The following SPOCK3 variants were observed in gnomAD, a reference collection of about 807,000 sequenced individuals.
SPOCK3 encodes the protein testican-3.
SPOCK3 carries 30 observed loss-of-function variants against 56.6 expected under a neutral mutation model. That is an observed-to-expected ratio of 0.53 (90% CI 0.40 to 0.72). The LOEUF (loss-of-function observed/expected upper bound fraction) is 0.72. SPOCK3 is among the 30% of genes least tolerant of loss of function. The pLI, the probability that SPOCK3 is intolerant of heterozygous loss-of-function variation, is 0.00. For synonymous variants in SPOCK3, 196 were observed against 183.3 expected, an observed-to-expected ratio of 1.07 and a Z score of -0.56; for missense variants, 527 against 530.0, an observed-to-expected ratio of 0.99 and a Z score of 0.06.
At chr4:166,768,994 G>A (rs1451679462) in intron 7 of SPOCK3, among the ~76,000 whole-genome samples, 1 of 152,156 alleles carries the variant, frequency 6.6e-6, no homozygotes, top group African/African-American at 2.4e-5. Context: ...ACTGAAGCTT[G>A]TGCATTCATC....
At chr4:166,839,491 A>T (rs1408522007) in intron 6 of SPOCK3, among the ~76,000 whole-genome samples, 1 of 152,092 alleles carries the variant, frequency 6.6e-6, no homozygotes, top group African/African-American at 2.4e-5. Flanking sequence ...AGAAGAGGGC[A>T]AAAAAGGCTG....
intron 9 of SPOCK3, among the ~76,000 whole-genome samples, chr4:166,741,554 T>TA (rs1268128060): frequency 6.6e-6 from 1 of 152,074 alleles, no homozygotes; most frequent in African/African-American, 2.4e-5. Context: ...AGAAGGGTAG[T>TA]AAAAAACACT....
chr4:166,877,847 GA>G (rs1733256128), intron 6 of SPOCK3, among the ~76,000 whole-genome samples: 1 of 152,096 alleles, frequency 6.6e-6, no homozygotes, highest in South Asian at 2.1e-4. Context: ...CCAATAAGTA[GA>G]AATTTGGTAT....
At chr4:166,929,440 T>C (rs2149993459) in intron 4 of SPOCK3, among the ~76,000 whole-genome samples, 1 of 152,328 alleles carries the variant, frequency 6.6e-6, no homozygotes, top group African/African-American at 2.4e-5. Flanking sequence ...AAATAGATTG[T>C]AGATCAATGT....
At chr4:166,746,793 A>G (rs1250720777) in intron 8 of SPOCK3, among the ~76,000 whole-genome samples, 2 of 152,190 alleles carry the variant, frequency 1.3e-5, no homozygotes, top group East Asian at 3.8e-4. Context: ...AAAAAATGAT[A>G]AAGGAGATAT....
At chr4:166,976,046 A>T (rs924268704) in intron 4 of SPOCK3, among the ~76,000 whole-genome samples, 9 of 151,942 alleles carry the variant, frequency 5.9e-5, no homozygotes, top group Non-Finnish European at 1.2e-4. Flanking sequence ...GATGCATAGA[A>T]ATCTTGATCT....
intron 2 of SPOCK3, among the ~76,000 whole-genome samples, chr4:167,111,804 C>A (rs1760926213): frequency 6.6e-6 from 1 of 151,536 alleles, no homozygotes; most frequent in African/African-American, 2.4e-5. Context: ...GTTGCCCAGG[C>A]TGGAATGCAA....
intron 2 of SPOCK3, among the ~76,000 whole-genome samples, chr4:167,193,679 T>C (rs368669418): frequency 5.5e-5 from 8 of 146,088 alleles, no homozygotes; most frequent in East Asian, 2.1e-4. Context: ...GTTTCAACAC[T>C]TTAAATATAC....
chr4:166,941,983 G>C (rs1336552392), intron 4 of SPOCK3, among the ~76,000 whole-genome samples: 3 of 152,076 alleles, frequency 2.0e-5, no homozygotes, highest in Admixed American at 2.0e-4. Flanking sequence ...ACTGAGATGA[G>C]TATTTGCTGT....
chr4:166,877,337 TCTTG>T (rs965286461), intron 6 of SPOCK3, among the ~76,000 whole-genome samples: 1 of 152,184 alleles, frequency 6.6e-6, no homozygotes, highest in Non-Finnish European at 1.5e-5. Flanking sequence ...CCTTGATTAT[TCTTG>T]CTTTGGGTAA....
rs992119205 is a variant in SPOCK3, at chr4:167,010,606, T to TA, written c.236-10144dup. On this transcript the variant is annotated intron_variant, in intron 3 of 10. Transcript: ENST00000357545. ...AAATATGTTCATAAAGATACATTCA[T>TA]AAAAAATTATTAAATGTATATATAG... is the stretch of plus-strand genomic sequence containing the variant. Among the ~76,000 whole-genome samples, 5 of 151,178 alleles carry TA rather than the reference T, an allele frequency of 3.3e-5. No homozygotes were observed. The South Asian group carries it at 1.0e-3, about 31-fold the overall frequency.
chr4:167,157,189 C>G (rs1044510449), intron 2 of SPOCK3, among the ~76,000 whole-genome samples: 11 of 151,916 alleles, frequency 7.2e-5, no homozygotes, highest in African/African-American at 9.7e-5. Context: ...GGAGAAAATT[C>G]AAAATTATAA....
chr4:166,819,111 G>A (rs1344374125), intron 6 of SPOCK3, among the ~76,000 whole-genome samples: 1 of 151,978 alleles, frequency 6.6e-6, no homozygotes, highest in Non-Finnish European at 1.5e-5. Context: ...AAGGAAAGAA[G>A]ATCACATGAT....
intron 2 of SPOCK3, among the ~76,000 whole-genome samples, chr4:167,153,320 G>A (rs1764562911): frequency 6.6e-6 from 1 of 152,094 alleles, no homozygotes; most frequent in African/African-American, 2.4e-5. Context: ...GGAATAAATG[G>A]GGTGCCCATG....
At chr4:166,922,426 T>G (rs1281918760) in intron 4 of SPOCK3, among the ~76,000 whole-genome samples, 2 of 152,198 alleles carry the variant, frequency 1.3e-5, no homozygotes, top group Non-Finnish European at 2.9e-5. Context: ...CTGACTTTGA[T>G]GCCATTGGTT....
At chr4:166,960,696 G>T (rs1041491048) in intron 4 of SPOCK3, among the ~76,000 whole-genome samples, 1 of 152,152 alleles carries the variant, frequency 6.6e-6, no homozygotes, top group Admixed American at 6.5e-5. Flanking sequence ...GTGACAAATT[G>T]TGTTTGTACC....
At chr4:167,033,976 G>A (rs912467508) in intron 3 of SPOCK3, among the ~76,000 whole-genome samples, 1 of 151,956 alleles carries the variant, frequency 6.6e-6, no homozygotes, top group Non-Finnish European at 1.5e-5. Context: ...TATACTACTG[G>A]ACTTCAGAGT....
At chr4:166,980,928 G>T (rs1299189711) in intron 4 of SPOCK3, among the ~76,000 whole-genome samples, 4 of 152,178 alleles carry the variant, frequency 2.6e-5, no homozygotes, top group Admixed American at 6.5e-5. Flanking sequence ...GGGAGGGGGT[G>T]TGTTTCAGCC....
intron 2 of SPOCK3, among the ~76,000 whole-genome samples, chr4:167,097,232 C>T (rs996597116): frequency 1.1e-4 from 16 of 151,620 alleles, no homozygotes; most frequent in Admixed American, 1.1e-3. Flanking sequence ...TCTATTTGTT[C>T]ATGTCATTTT....
Sources: allele counts gnomAD v4.1 joint callset (sites outside exome capture counted in the v4.1 genomes callset), GRCh38; gene constraint gnomAD v4.1.1; transcripts MANE v1.5; gene names NCBI Gene and HGNC (gene_info 2026-07-23, HGNC 2026-07-21).